Variants in TMIGD3 observed in about 807,000 individuals in gnomAD.
The protein encoded by TMIGD3 is AD026 protein (AD026).
In TMIGD3, 21 loss-of-function variants were observed where a neutral mutation model predicts 28.1. That is an observed-to-expected ratio of 0.75 (90% CI 0.53 to 1.08). The LOEUF (loss-of-function observed/expected upper bound fraction) is 1.08, where lower values mean the gene tolerates loss of function less well. TMIGD3 is among the 50% of genes least tolerant of loss of function. TMIGD3 has a pLI of 0.00. For synonymous variants in TMIGD3, 151 were observed against 162.1 expected, an observed-to-expected ratio of 0.93 and a Z score of 0.52; for missense variants, 416 against 435.6, an observed-to-expected ratio of 0.96 and a Z score of 0.40.
chr1:111,559,196 A>G (rs1031739535), intron 1 of TMIGD3, among the ~76,000 whole-genome samples: 1 of 152,222 alleles, frequency 6.6e-6, no homozygotes, highest in African/African-American at 2.4e-5. Flanking sequence ...TTTAGAGGGA[A>G]ATGCACAGTC....
chr1:111,556,744 A>G (rs762988232), intron 1 of TMIGD3, among the ~76,000 whole-genome samples: 149 of 152,170 alleles, frequency 9.8e-4, no homozygotes, highest in Admixed American at 8.4e-3. Context: ...GGGAGGGAGG[A>G]GTGGATAGTT....
chr1:111,542,279 C>G, intron 1 of TMIGD3: 1 of 588,160 alleles, frequency 1.7e-6, no homozygotes, highest in Non-Finnish European at 3.2e-6. Flanking sequence ...CAGGATCAGA[C>G]CTGCCGGTTC....
At chr1:111,498,188 A>C (rs1343513119) in intron 1 of TMIGD3, among the ~76,000 whole-genome samples, 1 of 152,246 alleles carries the variant, frequency 6.6e-6, no homozygotes, top group African/African-American at 2.4e-5. Context: ...TAGGTTCAGG[A>C]TAAACCTTCA....
intron 1 of TMIGD3, among the ~76,000 whole-genome samples, chr1:111,560,375 GC>G (rs1557850217): frequency 6.6e-6 from 1 of 151,834 alleles, no homozygotes; most frequent in Non-Finnish European, 1.5e-5. Context: ...TAAGGCAGGG[GC>G]TGATATTCAC....
At chr1:111,506,305 T>A (rs1655487845), upstream of TMIGD3, among the ~76,000 whole-genome samples, 1 of 152,240 alleles carries the variant, frequency 6.6e-6, no homozygotes, top group African/African-American at 2.4e-5. Context: ...GTGAATCAGG[T>A]GGCATAAACT....
intron 1 of TMIGD3, among the ~76,000 whole-genome samples, chr1:111,534,791 A>G (rs1656586018): frequency 6.6e-6 from 1 of 152,060 alleles, no homozygotes; most frequent in Non-Finnish European, 1.5e-5. Flanking sequence ...GCATGTGCAT[A>G]TGTGTGAGTG....
At chr1:111,505,196 G>T (rs2100988030), upstream of TMIGD3, among the ~76,000 whole-genome samples, 1 of 148,568 alleles carries the variant, frequency 6.7e-6, no homozygotes, top group East Asian at 2.0e-4. Flanking sequence ...GTTAAATACT[G>T]CAAAAAACCC....
At chr1:111,554,642 A>G (rs997600625) in intron 1 of TMIGD3, among the ~76,000 whole-genome samples, 1 of 152,250 alleles carries the variant, frequency 6.6e-6, no homozygotes, top group African/African-American at 2.4e-5. Context: ...TCAAAGGAAT[A>G]TGGTGAAAAA....
At chr1:111,561,763 C>A (rs146901097) in intron 1 of TMIGD3, among the ~76,000 whole-genome samples, 1 of 152,092 alleles carries the variant, frequency 6.6e-6, no homozygotes, top group African/African-American at 2.4e-5. Flanking sequence ...TGTGTGTGTA[C>A]GTATAATTGG....
chr1:111,549,198 T>C (rs1226684043), intron 1 of TMIGD3, among the ~76,000 whole-genome samples: 1 of 152,116 alleles, frequency 6.6e-6, no homozygotes, highest in Non-Finnish European at 1.5e-5. Flanking sequence ...TTATAGAAGG[T>C]GTTAGGAAGT....
Position 111,551,183 on chromosome 1 carries a change from G to T in TMIGD3, c.107+12663C>A, listed in dbSNP as rs186330447. On this transcript the variant is annotated intron_variant, in intron 1 of 5. Coordinates refer to the TMIGD3 transcript ENST00000369717. ...ATATAGTTGGATCATGTTTTTTTTTGAAATTCATTCTTCTAACCTCTGCCT... is the reference window on the plus strand; with the variant it reads ...ATATAGTTGGATCATGTTTTTTTTTTAAATTCATTCTTCTAACCTCTGCCT... 1.8e-3 allele frequency among the ~76,000 whole-genome samples: 273 copies of T among 151,052 alleles called. 2 individuals are homozygous for T. The highest frequency in any genetic ancestry group is 6.5e-3 in the African/African-American group (267 of 41,258).
chr1:111,555,459 T>G (rs1033491567), intron 1 of TMIGD3, among the ~76,000 whole-genome samples: 3 of 151,238 alleles, frequency 2.0e-5, no homozygotes, highest in African/African-American at 7.3e-5. Flanking sequence ...ATAATTAAAT[T>G]TGAAACTCTG....
chr1:111,548,885 G>T (rs1037161220), intron 1 of TMIGD3, among the ~76,000 whole-genome samples: 4 of 152,112 alleles, frequency 2.6e-5, no homozygotes, highest in Admixed American at 2.6e-4. Context: ...GCTCTGATAT[G>T]GGCTGTTTTC....
chr1:111,483,699 A>G lies in TMIGD3; in HGVS notation c.1032T>C (p.Thr344=). ...RVLTPKEMAP[T]EQM ...AAAAAATCTTCAGTCACATCTGTTC[A>G]GTAGGAGCCATTTCCTTTGGAGTCA... The change falls in exon 6 of 6, where the codon ACT becomes ACC. Residue 344 remains threonine (T), a synonymous_variant. Transcript: ENST00000369716. The G allele has an allele frequency of 6.2e-7, 1 of 1,613,568 alleles. No homozygotes were observed. The highest frequency in any genetic ancestry group is 8.5e-7 in the Non-Finnish European group (1 of 1,179,532).
At chr1:111,512,837 G>A (rs1192745389) in intron 1 of TMIGD3, among the ~76,000 whole-genome samples, 1 of 152,292 alleles carries the variant, frequency 6.6e-6, no homozygotes, top group African/African-American at 2.4e-5. Flanking sequence ...GTTTCTGAAG[G>A]GCTGATTGTC....
At chr1:111,497,280 T>G (rs570714730) in intron 1 of TMIGD3, among the ~76,000 whole-genome samples, 1 of 152,254 alleles carries the variant, frequency 6.6e-6, no homozygotes, top group Admixed American at 6.5e-5. Flanking sequence ...CCGGCTAATT[T>G]TTTGTATTTT....
chr1:111,498,280 C>A (rs896804439), intron 1 of TMIGD3, among the ~76,000 whole-genome samples: 1 of 152,200 alleles, frequency 6.6e-6, no homozygotes, highest in African/African-American at 2.4e-5. Flanking sequence ...TCTTGTTGCT[C>A]TTGTCTAGCT....
At chr1:111,531,939 TAAAG>T (rs1188683579) in intron 1 of TMIGD3, among the ~76,000 whole-genome samples, 4 of 152,088 alleles carry the variant, frequency 2.6e-5, no homozygotes, top group Non-Finnish European at 5.9e-5. Flanking sequence ...TAACTAAAAA[TAAAG>T]AAAAACAAAG....
rs532070131 is a variant in TMIGD3 at position 111,514,933 on chromosome 1, T to C, written c.108-24171A>G. ...CCTCTTCTTTTCACAGATAAGAATA[T>C]TGACATTGAGCAAGGTCAAGCAACT... On this transcript the variant is annotated intron_variant, in intron 1 of 5. Coordinates refer to the TMIGD3 transcript ENST00000369717. Among the ~76,000 whole-genome samples, 166 of 152,318 alleles carry C rather than the reference T, an allele frequency of 1.1e-3. 2 individuals are homozygous for C. Among genetic ancestry groups the C allele is most frequent in the African/African-American group, 3.9e-3 (162 of 41,566 alleles).
Sources: allele counts gnomAD v4.1 joint callset (sites outside exome capture counted in the v4.1 genomes callset), GRCh38; gene constraint gnomAD v4.1.1; transcripts MANE v1.5; gene names NCBI Gene and HGNC (gene_info 2026-07-23, HGNC 2026-07-21).